TYW1B: variants seen among roughly 807,000 people sequenced by gnomAD.
The protein encoded by TYW1B is S-adenosyl-L-methionine-dependent tRNA 4-demethylwyosine synthase TYW1B.
In TYW1B, 73 loss-of-function variants were observed where a neutral mutation model predicts 86.9. The ratio of observed to expected loss-of-function variants is 0.84; its 90% CI spans 0.70 to 1.02. The LOEUF (loss-of-function observed/expected upper bound fraction) is 1.02. TYW1B is among the 50% of genes least tolerant of loss of function. TYW1B has a pLI of 0.00. For synonymous variants in TYW1B, 248 were observed against 292.8 expected (o/e 0.85, Z 1.56); for missense variants, 637 against 827.4 (o/e 0.77, Z 2.82).
chr7:72,723,232 C>T, intron 9 of TYW1B: 1 of 354,828 alleles, frequency 2.8e-6, no homozygotes. Context: ...GTCCCCTGTC[C>T]CTGGGGTTAT....
chr7:72,775,652 A>G (rs540475906), intron 7 of TYW1B, among the ~76,000 whole-genome samples: 21 of 152,304 alleles, frequency 1.4e-4, no homozygotes, highest in Admixed American at 6.5e-4. Context: ...GAAAGCTGAA[A>G]GAATTCATCA....
intron 13 of TYW1B, among the ~76,000 whole-genome samples, chr7:72,586,374 C>A (rs1304370920): frequency 3.9e-5 from 6 of 152,326 alleles, no homozygotes; most frequent in Admixed American, 2.0e-4. Context: ...CCAGCCCCTC[C>A]AGAGGTTGAG....
chr7:72,675,113 C>CA (rs1260885873), intron 11 of TYW1B, among the ~76,000 whole-genome samples: 1 of 151,714 alleles, frequency 6.6e-6, no homozygotes, highest in Non-Finnish European at 1.5e-5. Context: ...AATGACAAAA[C>CA]AAAGGCCAGG....
At chr7:72,598,129 A>G (rs1382333139) in intron 13 of TYW1B, among the ~76,000 whole-genome samples, 1 of 152,218 alleles carries the variant, frequency 6.6e-6, no homozygotes, top group African/African-American at 2.4e-5. Flanking sequence ...TGGGGAAGGC[A>G]GACCCACCCT....
intron 6 of TYW1B, among the ~76,000 whole-genome samples, chr7:72,797,281 G>A (rs1483588986): frequency 1.3e-5 from 2 of 152,170 alleles, no homozygotes; most frequent in African/African-American, 4.8e-5. Context: ...TGGAGATTGA[G>A]CTTAATCAAC....
intron 11 of TYW1B, among the ~76,000 whole-genome samples, chr7:72,632,341 ATATAT>A (rs1554439983): frequency 9.9e-5 from 12 of 121,066 alleles, no homozygotes; most frequent in African/African-American, 4.1e-4. Context: ...ATACACGTAT[ATATAT>A]TATATATATT....
At position 72,648,629 on chromosome 7, in the gene TYW1B, A is replaced by C. The variant is rs183382117; in HGVS notation, c.1507-19632T>G. ...AAAGACATGCCTTGAGTTCAGTAGA[A>C]CCTAAGAAGATCATGCACATCAACT... On this transcript the variant is annotated intron_variant, in intron 11 of 13. Coordinates refer to ENST00000620995, the MANE Select transcript of TYW1B (RefSeq NM_001145440.3). Among the ~76,000 whole-genome samples the C allele has an allele frequency of 3.3e-5, 5 of 152,232 alleles. No individual in the cohort carries two copies. The East Asian group carries it at 9.7e-4, about 29-fold the overall frequency.
At chr7:72,610,779 C>T (rs1319082936) in intron 13 of TYW1B, among the ~76,000 whole-genome samples, 2 of 152,158 alleles carry the variant, frequency 1.3e-5, no homozygotes, top group Non-Finnish European at 2.9e-5. Flanking sequence ...AGCTGGCTAT[C>T]GCAACAGTGT....
chr7:72,739,331 C>T (rs1462810689), intron 8 of TYW1B, among the ~76,000 whole-genome samples: 8 of 151,834 alleles, frequency 5.3e-5, no homozygotes, highest in African/African-American at 1.4e-4. Flanking sequence ...AGGGGTCAGG[C>T]GCAGTGGCTC....
At chr7:72,808,156 G>C (rs868916975) in intron 4 of TYW1B, among the ~76,000 whole-genome samples, 1 of 151,750 alleles carries the variant, frequency 6.6e-6, no homozygotes, top group South Asian at 2.1e-4. Flanking sequence ...TAATTTATTT[G>C]AAAATATGGG....
intron 6 of TYW1B, among the ~76,000 whole-genome samples, chr7:72,793,649 G>A (rs1309117355): frequency 2.6e-5 from 4 of 151,884 alleles, no homozygotes; most frequent in Admixed American, 1.3e-4. Flanking sequence ...CCAGCTACTC[G>A]GGAGGCTGAG....
At chr7:72,716,483 T>G (rs1786785079) in intron 9 of TYW1B, among the ~76,000 whole-genome samples, 1 of 152,246 alleles carries the variant, frequency 6.6e-6, no homozygotes, top group South Asian at 2.1e-4. Context: ...TAAATTTCAC[T>G]GCTCAGTTGT....
intron 8 of TYW1B, among the ~76,000 whole-genome samples, chr7:72,730,633 A>C (rs1187179840): frequency 1.3e-5 from 2 of 151,332 alleles, no homozygotes; most frequent in Non-Finnish European, 2.9e-5. Context: ...AAAAGAAAGA[A>C]GAAAAGAAGA....
intron 11 of TYW1B, among the ~76,000 whole-genome samples, chr7:72,682,427 G>GA (rs1403810091): frequency 6.6e-6 from 1 of 152,144 alleles, no homozygotes. Flanking sequence ...ACTGGGCTAG[G>GA]AAAGAACCAG....
chr7:72,734,994 A>G (rs1261737697), intron 8 of TYW1B, among the ~76,000 whole-genome samples: 1 of 152,198 alleles, frequency 6.6e-6, no homozygotes, highest in Non-Finnish European at 1.5e-5. Context: ...ACTCTTATAC[A>G]CTGTTGCTGG....
rs557572046 is a variant in TYW1B at position 72,827,007 on chromosome 7, C to G, written c.5-22G>C. Reference sequence around the variant, plus strand: ...GGATCTAAATTTAAAATGACACACACAGATAATTTCATTTAAAGCTACATA... The same window carrying G: ...GGATCTAAATTTAAAATGACACACAGAGATAATTTCATTTAAAGCTACATA... On this transcript the variant is annotated intron_variant, in intron 1 of 13. Transcript: ENST00000620995. 4.4e-5 allele frequency: 70 copies of G among 1,588,062 alleles called. No individual in the cohort carries two copies. In the South Asian group the frequency reaches 7.6e-4, roughly 17 times the overall value.
chr7:72,774,847 G>A (rs1208241876), intron 7 of TYW1B, among the ~76,000 whole-genome samples: 1 of 152,040 alleles, frequency 6.6e-6, no homozygotes, highest in African/African-American at 2.4e-5. Flanking sequence ...CATGATGAAT[G>A]AGGGAAAAAA....
chr7:72,627,938 TAAAATTTTTAGTTG>T (rs1208723475), intron 12 of TYW1B, among the ~76,000 whole-genome samples: 2 of 152,214 alleles, frequency 1.3e-5, no homozygotes, highest in African/African-American at 4.8e-5. Flanking sequence ...AAGACGAAAT[TAAAATTTTTAGTTG>T]AAAATTTTTA....
At chr7:72,618,968 G>A (rs1406349312) in intron 12 of TYW1B, among the ~76,000 whole-genome samples, 15 of 152,128 alleles carry the variant, frequency 9.9e-5, no homozygotes, top group Admixed American at 3.3e-4. Flanking sequence ...GCTTGCTGAC[G>A]TCACAGCCCG....
Sources: gnomAD v4.1 joint callset for allele counts (sites outside exome capture counted in the v4.1 genomes callset) on GRCh38, gnomAD v4.1.1 for gene constraint, MANE v1.5 for transcripts, NCBI Gene and HGNC (gene_info 2026-07-23, HGNC 2026-07-21) for gene names.